The following FASTKD2 variants were observed in gnomAD, a reference collection of about 807,000 sequenced individuals.
FASTKD2 encodes the protein FAST kinase domain-containing protein 2, mitochondrial.
Under a neutral mutation model 63.6 loss-of-function variants are expected in FASTKD2, and 51 were observed. The observed-to-expected ratio is 0.80, with a 90% CI of 0.64 to 1.01. The LOEUF is 1.01. Among genes scored for constraint, FASTKD2 ranks in the 50% least tolerant of loss-of-function variants. FASTKD2 has a pLI of 0.00. For missense variants in FASTKD2, 786 were observed against 831.1 expected (o/e 0.95, Z 0.67); for synonymous variants, 284 against 293.4 (o/e 0.97, Z 0.33).
chr2:206,774,228 C>G lies in FASTKD2; in HGVS notation c.1258C>G (p.Leu420Val). 6.2e-7 allele frequency: 1 copy of G among 1,605,940 alleles called. No individual in the cohort carries two copies. Among genetic ancestry groups the G allele is most frequent in the Non-Finnish European group, 8.5e-7 (1 of 1,174,348 alleles). Residue 420 changes from leucine to valine, a missense_variant, in exon 7 of 12, where the codon CTT becomes GTT. Leu to Val is a conservative substitution (Grantham distance 32). Transcript: ENST00000402774. ...TFDIWKFRKV[L>V]FILILFENLG... ...CCCTCAATTTTCTCTTTTTAAGGTT[C>G]TTTTTATCCTCATTTTATTTGAAAA...
intron 2 of FASTKD2, among the ~76,000 whole-genome samples, chr2:206,768,341 G>A (rs964449159): frequency 6.6e-6 from 1 of 152,112 alleles, no homozygotes; most frequent in Non-Finnish European, 1.5e-5. Context: ...AGGAAGGAAG[G>A]ATTAGCTTGT....
At chr2:206,780,080 A>G (rs1203816339) in intron 7 of FASTKD2, among the ~76,000 whole-genome samples, 2 of 152,146 alleles carry the variant, frequency 1.3e-5, no homozygotes, top group African/African-American at 2.4e-5. Flanking sequence ...TTGTATATCC[A>G]TTAGCAAATT....
intron 10 of FASTKD2, chr2:206,790,351 A>C: frequency 2.1e-6 from 1 of 473,634 alleles, no homozygotes; most frequent in Non-Finnish European, 3.9e-6. Context: ...GGGAACTGAG[A>C]GGTAACTGTG....
intron 10 of FASTKD2, 53 bp downstream of exon 10, chr2:206,788,956 T>C: frequency 1.1e-6 from 1 of 937,892 alleles, no homozygotes; most frequent in Non-Finnish European, 1.8e-6. Flanking sequence ...ATCCTAATTC[T>C]AAAAGACTTC....
At chr2:206,776,827 T>TA (rs908568027) in intron 7 of FASTKD2, among the ~76,000 whole-genome samples, 2 of 152,028 alleles carry the variant, frequency 1.3e-5, no homozygotes, top group Non-Finnish European at 2.9e-5. Flanking sequence ...TCTATTTCTG[T>TA]AAAAAAATGC....
chr2:206,793,248 A>AAAAAAAAC lies in FASTKD2; in HGVS notation c.*1449_*1450insAAAACAAA, dbSNP rs1259024642. Among the ~76,000 whole-genome samples, 120 of 126,630 alleles carry AAAAAAAAC rather than the reference A, an allele frequency of 9.5e-4. 7 individuals carry two copies. Among genetic ancestry groups the AAAAAAAAC allele is most frequent in the Non-Finnish European group, 1.3e-3 (76 of 56,464 alleles). 83.1% of individuals were successfully genotyped at this position (126,630 alleles called of 152,430 possible). A position where few individuals can be genotyped will look rare whatever the true frequency, so the allele number is the denominator to read the frequency against. ...AAAAAAAAAAAAAAAAAAAAAAAAA[A>AAAAAAAAC]AAATACAAAAACTATAGCAATATGA... On this transcript the variant is annotated 3_prime_UTR_variant, in exon 12 of 12. Coordinates refer to ENST00000402774, the MANE Select transcript of FASTKD2 (RefSeq NM_001136193.2).
chr2:206,795,016 C>T lies in FASTKD2; in HGVS notation c.*3214C>T, dbSNP rs936354880. On this transcript the variant is annotated 3_prime_UTR_variant, in exon 12 of 12. Coordinates refer to ENST00000402774, the MANE Select transcript of FASTKD2 (RefSeq NM_001136193.2). ...GGTCAGTGGCTCACTCAGCAGCAAG[C>T]CACTTAGGTAGCTGGCGAGGGACGT... 1.4e-5 allele frequency among the ~76,000 whole-genome samples: 2 copies of T among 138,478 alleles called. No individual in the cohort carries two copies. Among genetic ancestry groups the T allele is most frequent in the African/African-American group, 5.8e-5 (2 of 34,780 alleles). The allele number at this position is 138,478 out of a possible 152,430, so 90.8% of individuals were successfully genotyped here. A position where few individuals can be genotyped will look rare whatever the true frequency, so the allele number is the denominator to read the frequency against.
At position 206,788,842 on chromosome 2, in the gene FASTKD2, A is replaced by G. The variant is rs760137814; in HGVS notation, c.1837A>G (p.Asn613Asp). ...AGATTTTGAAATCAGAATGGACACT[A>G]ACAGGAATCAAGTGCTACCACTTTC... is the stretch of plus-strand genomic sequence containing the variant. ...HIDFEIRMDT[N>D]RNQVLPLSDV... Residue 613 changes from asparagine to aspartate, a missense_variant, in exon 10 of 12, where the codon AAC becomes GAC. Transcript: ENST00000402774. The G allele has an allele frequency of 2.0e-5, 32 of 1,571,724 alleles. 1 individual carries two copies. The South Asian group carries it at 3.4e-4, about 17-fold the overall frequency.
At chr2:206,771,653 CAAAAAAAAAAAA>C (rs71034472) in intron 4 of FASTKD2, among the ~76,000 whole-genome samples, 4 of 44,552 alleles carry the variant, frequency 9.0e-5, no homozygotes, top group East Asian at 1.5e-3. Flanking sequence ...CCTGTCTCTG[CAAAAAAAAAAAA>C]AAAAAAAAAA....
At chr2:206,768,108 C>T (rs897479564) in intron 2 of FASTKD2, among the ~76,000 whole-genome samples, 1 of 152,176 alleles carries the variant, frequency 6.6e-6, no homozygotes, top group African/African-American at 2.4e-5. Context: ...TCATAAAGAG[C>T]CTCTTACGGC....
chr2:206,784,760 C>T (rs1056809033), intron 7 of FASTKD2, among the ~76,000 whole-genome samples: 1 of 152,174 alleles, frequency 6.6e-6, no homozygotes. Flanking sequence ...ATGACAAGCT[C>T]GTCCTCCTGT....
In FASTKD2 at chr2:206,790,290, G is replaced by A. The variant is rs142768968; in HGVS notation, c.1899-282G>A. 156 of 369,290 alleles carry A rather than the reference G, an allele frequency of 4.2e-4. 1 individual carries two copies. Among genetic ancestry groups the A allele is most frequent in the African/African-American group, 2.9e-3 (140 of 48,244 alleles). 22.9% of individuals were successfully genotyped at this position (369,290 alleles called of 1,614,324 possible). A position where few individuals can be genotyped will look rare whatever the true frequency, so the allele number is the denominator to read the frequency against. On this transcript the variant is annotated intron_variant, in intron 10 of 11. Coordinates refer to ENST00000402774, the MANE Select transcript of FASTKD2 (RefSeq NM_001136193.2). ...ACTACACAGAAAACCCTTAAAATTG[G>A]TGCTTTCATGTCTGAAAATTTTCCT...
intron 8 of FASTKD2, among the ~76,000 whole-genome samples, chr2:206,787,422 C>T (rs1690165254): frequency 1.3e-5 from 2 of 152,196 alleles, no homozygotes; most frequent in South Asian, 4.2e-4. Flanking sequence ...TAAGGCAAAG[C>T]AATATTCAGG....
intron 2 of FASTKD2, among the ~76,000 whole-genome samples, chr2:206,769,152 A>G (rs1371677349): frequency 6.6e-6 from 1 of 152,256 alleles, no homozygotes; most frequent in Non-Finnish European, 1.5e-5. Flanking sequence ...ACAGTGTGCC[A>G]TCAATGAATT....
At position 206,795,131 on chromosome 2, in the gene FASTKD2, GGACCATCA is replaced by G. The variant is rs1386757321; in HGVS notation, c.*3333_*3340del. Among the ~76,000 whole-genome samples the G allele has an allele frequency of 6.6e-6, 1 of 152,208 alleles. No individual in the cohort carries two copies. Among genetic ancestry groups the G allele is most frequent in the Non-Finnish European group, 1.5e-5 (1 of 68,034 alleles). ...TCTTCATTCACAGGGCCTGAGAGGT[GGACCATCA>G]GACTCCACCCTGTTTTGCGCTGACT... is the stretch of plus-strand genomic sequence containing the variant. On this transcript the variant is annotated 3_prime_UTR_variant, in exon 12 of 12. Coordinates refer to ENST00000402774, the MANE Select transcript of FASTKD2 (RefSeq NM_001136193.2).
In FASTKD2 at chr2:206,767,711, G is replaced by A. The variant is rs573508772; in HGVS notation, c.777+241G>A. Among the ~76,000 whole-genome samples, 30 of 152,284 alleles carry A rather than the reference G, an allele frequency of 2.0e-4. No individual in the cohort carries two copies. In the South Asian group the frequency reaches 4.1e-3, roughly 21 times the overall value. The stretch of plus-strand genomic sequence containing the variant: ...TTACCATCCCCAGGGTTGAGTAGTG[G>A]TGAAGAAGCTAAAGTGAGGAGAGAT... On this transcript the variant is annotated intron_variant, in intron 2 of 11. Transcript: ENST00000402774.
chr2:206,779,382 C>T (rs112234180), intron 7 of FASTKD2, among the ~76,000 whole-genome samples: 4,974 of 152,080 alleles, frequency 0.033, 104 homozygotes, highest in East Asian at 0.057. Context: ...TCTATTCTCA[C>T]GTTGCTATAC....
In FASTKD2 at chr2:206,771,931, T is replaced by C. The variant is rs761580507; in HGVS notation, c.1028T>C (p.Leu343Ser). The part of the protein sequence containing the change: ...ALRELDRFSV[L>S]NSQHMFEVLA... ...AGGGAATTAGACAGATTTTCTGTTT[T>C]GAATAGCCAACACATGTTTGAAGTA... Residue 343 changes from leucine (L) to serine (S), a missense_variant, in exon 5 of 12, where the codon TTG (leucine) becomes TCG (serine). Physicochemically the swap from Leu to Ser is moderately radical, Grantham distance 145. Transcript: ENST00000402774. The C allele has an allele frequency of 1.3e-5, 21 of 1,610,684 alleles. No individual in the cohort carries two copies. Among genetic ancestry groups the C allele is most frequent in the Non-Finnish European group, 1.6e-5 (19 of 1,176,984 alleles).
At chr2:206,772,375 A>G in intron 6 of FASTKD2, 55 bp downstream of exon 6, 2 of 1,500,614 alleles carry the variant, frequency 1.3e-6, no homozygotes, top group South Asian at 2.3e-5. Context: ...ACACTAATTC[A>G]TGTAGCATTT....
Sources: gnomAD v4.1 joint callset for allele counts (sites outside exome capture counted in the v4.1 genomes callset) on GRCh38, gnomAD v4.1.1 for gene constraint, MANE v1.5 for transcripts, NCBI Gene and HGNC (gene_info 2026-07-23, HGNC 2026-07-21) for gene names.